DHRSX: variants seen among roughly 807,000 people sequenced by gnomAD.
DHRSX encodes the protein polyprenol dehydrogenase.
In DHRSX, 31 loss-of-function variants were observed where a neutral mutation model predicts 34.0. The ratio of observed to expected loss-of-function variants is 0.91; its 90% CI spans 0.69 to 1.23. The LOEUF is 1.23. DHRSX is among the 50% of genes most tolerant of loss of function. The pLI is 0.00. For synonymous variants in DHRSX, 201 were observed against 183.8 expected (o/e 1.09, Z -0.76); for missense variants, 414 against 428.1 (o/e 0.97, Z 0.29).
intron 3 of DHRSX, among the ~76,000 whole-genome samples, chrX:2,320,631 A>G (rs919427202): frequency 6.2e-5 from 9 of 145,062 alleles, no homozygotes; most frequent in African/African-American, 2.3e-4. Context: ...GTTTGACTTT[A>G]AACCCATTCG....
In DHRSX at chrX:2,450,602, A is replaced by G. The variant is rs569806844; in HGVS notation, c.110-25298T>C. On this transcript the variant is annotated intron_variant, in intron 1 of 6. Coordinates refer to ENST00000334651, the MANE Select transcript of DHRSX (RefSeq NM_145177.3). ...AGGTGGGCTTTCCCAGGTTCTGCGT[A>G]CCACCTATATTTTACCGTGACCAAG... Among the ~76,000 whole-genome samples, 3 of 152,178 alleles carry G rather than the reference A, an allele frequency of 2.0e-5. 1 individual carries two copies. Among genetic ancestry groups the G allele is most frequent in the Admixed American group, 6.5e-5 (1 of 15,270 alleles).
intron 1 of DHRSX, among the ~76,000 whole-genome samples, chrX:2,444,939 C>A (rs905120332): frequency 6.6e-6 from 1 of 152,044 alleles, no homozygotes; most frequent in African/African-American, 2.4e-5. Context: ...GGCAGATCAC[C>A]TGAGGTCAGG....
chrX:2,304,059 G>GAACT (rs2042059652), intron 3 of DHRSX, among the ~76,000 whole-genome samples: 1 of 104,508 alleles, frequency 9.6e-6, no homozygotes, highest in Non-Finnish European at 2.4e-5. Flanking sequence ...ATGGATGGAT[G>GAACT]GATGGGTGGA....
At chrX:2,308,092 AAGTT>A (rs1409829004) in intron 3 of DHRSX, among the ~76,000 whole-genome samples, 5 of 152,274 alleles carry the variant, frequency 3.3e-5, no homozygotes, top group African/African-American at 7.2e-5. Flanking sequence ...AGAGAAATGA[AAGTT>A]AGAGTGTTTG....
At chrX:2,419,365 T>C (rs1401725665) in intron 2 of DHRSX, among the ~76,000 whole-genome samples, 8 of 152,162 alleles carry the variant, frequency 5.3e-5, no homozygotes, top group Admixed American at 5.2e-4. Context: ...CCTTGAGAAC[T>C]GTAGGACAAT....
At chrX:2,486,889 G>C (rs1288127686) in intron 1 of DHRSX, 1 of 152,254 alleles carries the variant, frequency 6.6e-6, no homozygotes, top group Non-Finnish European at 1.5e-5. Flanking sequence ...GCCCTGAGAA[G>C]TCAGCAGCCG....
intron 3 of DHRSX, among the ~76,000 whole-genome samples, chrX:2,292,756 T>C (rs1467960931): frequency 2.6e-5 from 4 of 151,838 alleles, no homozygotes; most frequent in Non-Finnish European, 5.9e-5. Context: ...CACAGGAGAA[T>C]ATAGAATTTT....
At chrX:2,479,717 A>C (rs1283747563) in intron 1 of DHRSX, among the ~76,000 whole-genome samples, 1 of 147,908 alleles carries the variant, frequency 6.8e-6, no homozygotes, top group African/African-American at 2.5e-5. Context: ...GAATGTGGCC[A>C]AGGGACCGCC....
At chrX:2,489,889 C>G in intron 1 of DHRSX, 3 of 1,613,880 alleles carry the variant, frequency 1.9e-6, no homozygotes, top group Non-Finnish European at 2.5e-6. Flanking sequence ...GGGAGCACGC[C>G]TTCACGATGT....
chrX:2,226,881 G>A (rs2015676964), intron 6 of DHRSX, among the ~76,000 whole-genome samples: 1 of 152,106 alleles, frequency 6.6e-6, no homozygotes, highest in Non-Finnish European at 1.5e-5. Context: ...GTGACAGGTA[G>A]GGAAAACAGC....
At chrX:2,303,233 G>A (rs1274907350) in intron 3 of DHRSX, among the ~76,000 whole-genome samples, 3 of 152,116 alleles carry the variant, frequency 2.0e-5, no homozygotes, top group Non-Finnish European at 2.9e-5. Context: ...TGAGATCACT[G>A]GCTTGCGAGG....
At chrX:2,252,226 A>G (rs983607877) in intron 5 of DHRSX, among the ~76,000 whole-genome samples, 1 of 151,140 alleles carries the variant, frequency 6.6e-6, no homozygotes, top group Non-Finnish European at 1.5e-5. Flanking sequence ...GACAAGAGCA[A>G]AACTCTGTCT....
chrX:2,437,508 G>A (rs376989760), intron 1 of DHRSX, among the ~76,000 whole-genome samples: 1 of 152,048 alleles, frequency 6.6e-6, no homozygotes, highest in African/African-American at 2.4e-5. Flanking sequence ...GGAGGCTGAG[G>A]TGGGAGGATT....
intron 3 of DHRSX, among the ~76,000 whole-genome samples, chrX:2,399,725 C>CAAAAAAAAAAAAAAAAAAAAAAA (rs779558142): frequency 2.8e-5 from 1 of 35,242 alleles, no homozygotes; most frequent in African/African-American, 1.6e-4. Flanking sequence ...AAACAAAAAG[C>CAAAAAAAAAAAAAAAAAAAAAAA]AAAAAAAAAA....
chrX:2,476,417 GAAA>G (rs2044680177), intron 1 of DHRSX, among the ~76,000 whole-genome samples: 1 of 147,848 alleles, frequency 6.8e-6, no homozygotes, highest in African/African-American at 2.5e-5. Flanking sequence ...AAAAAAGAAA[GAAA>G]AGAAAAGAAA....
intron 3 of DHRSX, among the ~76,000 whole-genome samples, chrX:2,380,300 C>CAAAA (rs60910908): frequency 4.8e-5 from 2 of 41,602 alleles, no homozygotes; most frequent in Non-Finnish European, 9.2e-5. Flanking sequence ...GACTCCGTCT[C>CAAAA]AAAAAAAAAA....
chrX:2,240,552 A>G (rs925200918), intron 6 of DHRSX, among the ~76,000 whole-genome samples: 6 of 151,696 alleles, frequency 4.0e-5, no homozygotes, highest in African/African-American at 1.5e-4. Flanking sequence ...ACAGACAATT[A>G]CCTAAAGGGA....
chrX:2,483,372 T>G (rs2044803272), intron 1 of DHRSX, among the ~76,000 whole-genome samples: 1 of 152,138 alleles, frequency 6.6e-6, no homozygotes, highest in Non-Finnish European at 1.5e-5. Context: ...CAAGTGATCC[T>G]CCCACCTTCG....
intron 1 of DHRSX, among the ~76,000 whole-genome samples, chrX:2,454,952 A>C (rs983218956): frequency 2.0e-5 from 3 of 151,948 alleles, no homozygotes; most frequent in Non-Finnish European, 4.4e-5. Context: ...GTCTCTACTA[A>C]AAACACAAAA....
Sources: gnomAD v4.1 joint callset for allele counts (sites outside exome capture counted in the v4.1 genomes callset) on GRCh38, gnomAD v4.1.1 for gene constraint, MANE v1.5 for transcripts, NCBI Gene and HGNC (gene_info 2026-07-23, HGNC 2026-07-21) for gene names.